The following PLPPR1 variants were observed in gnomAD, a reference collection of about 807,000 sequenced individuals.
PLPPR1 encodes the protein phospholipid phosphatase-related protein type 1.
PLPPR1 carries 10 observed loss-of-function variants against 33.1 expected under a neutral mutation model. That is an observed-to-expected ratio of 0.30 (90% CI 0.19 to 0.51). The LOEUF (loss-of-function observed/expected upper bound fraction) is 0.51. Among genes scored for constraint, PLPPR1 ranks in the 20% least tolerant of loss-of-function variants. The probability of loss-of-function intolerance (pLI) is 0.97; values close to 1 mark genes in which losing one functional copy is unlikely to be tolerated. For synonymous variants in PLPPR1, 151 were observed against 151.0 expected, an observed-to-expected ratio of 1.00 and a Z score of 0.00; for missense variants, 304 against 408.1, an observed-to-expected ratio of 0.74 and a Z score of 2.20.
intron 1 of PLPPR1, among the ~76,000 whole-genome samples, chr9:101,039,749 T>A (rs1830053471): frequency 6.6e-6 from 1 of 152,020 alleles, no homozygotes; most frequent in Non-Finnish European, 1.5e-5. Context: ...CCTGTTTTTT[T>A]AAAACCATCA....
chr9:101,312,109 G>C (rs1206097610), intron 5 of PLPPR1, among the ~76,000 whole-genome samples: 3 of 149,136 alleles, frequency 2.0e-5, no homozygotes, highest in Non-Finnish European at 4.5e-5. Flanking sequence ...GTATCTTGTG[G>C]AACACACAGA....
Position 101,050,124 on chromosome 9 carries a change from G to GAAAA in PLPPR1, c.-46+21043_-46+21046dup, listed in dbSNP as rs35688096. Among the ~76,000 whole-genome samples, 344 of 35,154 alleles carry GAAAA rather than the reference G, an allele frequency of 9.8e-3. 4 individuals are homozygous for GAAAA. Among genetic ancestry groups the GAAAA allele is most frequent in the Non-Finnish European group, 0.017 (258 of 15,002 alleles). 23.1% of individuals were successfully genotyped at this position (35,154 alleles called of 152,430 possible). ...TGCAACAGAGTGAGACTCCAACTCA[G>GAAAA]AAAAAAAAAAAAAAAAAAAAAAAAG... is the stretch of plus-strand genomic sequence containing the variant. On this transcript the variant is annotated intron_variant, in intron 1 of 7. Transcript: ENST00000374874.
At chr9:101,071,621 A>AGAGG (rs1029524991) in intron 1 of PLPPR1, among the ~76,000 whole-genome samples, 3 of 151,704 alleles carry the variant, frequency 2.0e-5, no homozygotes, top group Non-Finnish European at 4.4e-5. Flanking sequence ...AGAGAGAGAG[A>AGAGG]GAGAGACAGA....
intron 7 of PLPPR1, among the ~76,000 whole-genome samples, chr9:101,319,263 G>A (rs956400298): frequency 4.6e-5 from 7 of 152,106 alleles, no homozygotes; most frequent in Admixed American, 6.5e-5. Flanking sequence ...TGCAGCCTCC[G>A]CCTCCGGGGT....
At chr9:101,268,805 C>G (rs1406385838) in intron 2 of PLPPR1, among the ~76,000 whole-genome samples, 1 of 152,126 alleles carries the variant, frequency 6.6e-6, no homozygotes, top group African/African-American at 2.4e-5. Context: ...AACTTTGATA[C>G]CTTTAAACAA....
intron 5 of PLPPR1, among the ~76,000 whole-genome samples, chr9:101,311,762 A>ATATAG: frequency 6.6e-6 from 1 of 152,336 alleles, no homozygotes; most frequent in East Asian, 1.9e-4. Flanking sequence ...ATTTTAACTT[A>ATATAG]TATGTGCTCA....
chr9:101,040,076 G>C (rs1173367778), intron 1 of PLPPR1, among the ~76,000 whole-genome samples: 1 of 152,100 alleles, frequency 6.6e-6, no homozygotes, highest in African/African-American at 2.4e-5. Context: ...GAAAATGAAA[G>C]CATTTGATCA....
intron 1 of PLPPR1, among the ~76,000 whole-genome samples, chr9:101,098,973 TG>T (rs765200574): frequency 1.1e-4 from 16 of 152,274 alleles, no homozygotes; most frequent in South Asian, 2.1e-4. Context: ...GGACAGGCTC[TG>T]GAGTTGCTCA....
chr9:101,071,111 G>A (rs1008497400), intron 1 of PLPPR1, among the ~76,000 whole-genome samples: 2 of 152,116 alleles, frequency 1.3e-5, no homozygotes, highest in African/African-American at 4.8e-5. Flanking sequence ...TGCACTAAAC[G>A]CAGGGTAAGG....
rs116429370 is a variant in PLPPR1 at position 101,159,763 on chromosome 9, G to C, written c.-45-25687G>C. Among the ~76,000 whole-genome samples, 890 of 152,310 alleles carry C rather than the reference G, an allele frequency of 5.8e-3. 10 individuals are homozygous for C. Among genetic ancestry groups the C allele is most frequent in the African/African-American group, 0.02 (831 of 41,570 alleles). On this transcript the variant is annotated intron_variant, in intron 1 of 7. Transcript: ENST00000374874. ...ACAAATGAGCGCAAAGGGATATTGTGTACAATGCTTCCATGAAGAAAGAGG... is the reference window on the plus strand; with the variant it reads ...ACAAATGAGCGCAAAGGGATATTGTCTACAATGCTTCCATGAAGAAAGAGG...
chr9:101,126,022 T>C (rs187403388), intron 1 of PLPPR1: 218 of 210,736 alleles, frequency 1.0e-3, no homozygotes, highest in Non-Finnish European at 1.6e-3. Context: ...CAGCCCATGA[T>C]TTATTTTTTC....
Position 101,277,426 on chromosome 9 carries a change from C to T in PLPPR1, c.252+7358C>T, listed in dbSNP as rs533095557. 8.9e-4 allele frequency among the ~76,000 whole-genome samples: 135 copies of T among 152,230 alleles called. 1 individual carries two copies. Among genetic ancestry groups the T allele is most frequent in the African/African-American group, 3.2e-3 (131 of 41,550 alleles). ...TCTACTTTGCTTTCAGGGAAGGTTA[C>T]TTGGTAAGGGTGAAGGCCCATGGGA... On this transcript the variant is annotated intron_variant, in intron 3 of 7. Transcript: ENST00000374874.
chr9:101,291,110 T>G (rs1331619092), intron 4 of PLPPR1, among the ~76,000 whole-genome samples: 1 of 152,150 alleles, frequency 6.6e-6, no homozygotes, highest in Non-Finnish European at 1.5e-5. Flanking sequence ...ACAACAGGCT[T>G]AAAAAACAGC....
chr9:101,160,119 A>C, intron 1 of PLPPR1, among the ~76,000 whole-genome samples: 1 of 152,198 alleles, frequency 6.6e-6, no homozygotes, highest in Non-Finnish European at 1.5e-5. Context: ...AGACAGCTTG[A>C]GCCTCTAGAA....
chr9:101,049,866 C>A (rs1830197725), intron 1 of PLPPR1, among the ~76,000 whole-genome samples: 1 of 151,812 alleles, frequency 6.6e-6, no homozygotes, highest in East Asian at 1.9e-4. Flanking sequence ...TGGCTCATGC[C>A]TGTAATCCCA....
At position 101,046,670 on chromosome 9, in the gene PLPPR1, C is replaced by T. The variant is rs186183290; in HGVS notation, c.-46+17568C>T. ...ATGTTAGCCAGGATGGTCTCGATCTCCTGACCTCGTGATCCACCTGCCTCG... is the reference window on the plus strand; with the variant it reads ...ATGTTAGCCAGGATGGTCTCGATCTTCTGACCTCGTGATCCACCTGCCTCG... On this transcript the variant is annotated intron_variant, in intron 1 of 7. Transcript: ENST00000374874. Among the ~76,000 whole-genome samples the T allele has an allele frequency of 2.4e-4, 37 of 151,990 alleles. No individual in the cohort carries two copies. The East Asian group carries it at 3.3e-3, about 14-fold the overall frequency.
intron 1 of PLPPR1, among the ~76,000 whole-genome samples, chr9:101,183,411 G>T (rs767302898): frequency 6.6e-6 from 1 of 151,722 alleles, no homozygotes; most frequent in African/African-American, 2.4e-5. Context: ...ATAAGAGGTC[G>T]TGTATTATAT....
At position 101,297,704 on chromosome 9, in the gene PLPPR1, A is replaced by C. The variant is rs1828674363; in HGVS notation, c.385+11468A>C. ...TGCAAAGGGAGGAAAGGAACTGGCT[A>C]AACTAACAAATTTTACCTGTACTTT... On this transcript the variant is annotated intron_variant, in intron 4 of 7. Transcript: ENST00000374874. Among the ~76,000 whole-genome samples, 3 of 152,242 alleles carry C rather than the reference A, an allele frequency of 2.0e-5. No individual in the cohort carries two copies. In the South Asian group the frequency reaches 6.2e-4, roughly 32 times the overall value.
intron 4 of PLPPR1, 91 bp from the exon 5 acceptor site, chr9:101,309,117 GTCA>G: frequency 1.6e-6 from 2 of 1,275,780 alleles, no homozygotes; most frequent in African/African-American, 1.5e-5. Context: ...ATTTTGATAG[GTCA>G]TCATGGACTC....
Sources: allele counts gnomAD v4.1 joint callset (sites outside exome capture counted in the v4.1 genomes callset), GRCh38; gene constraint gnomAD v4.1.1; transcripts MANE v1.5; gene names NCBI Gene and HGNC (gene_info 2026-07-23, HGNC 2026-07-21).